ABCG4: variants seen among roughly 807,000 people sequenced by gnomAD.
ABCG4 encodes ATP binding cassette subfamily G member 4.
Under a neutral mutation model 64.6 loss-of-function variants are expected in ABCG4, and 35 were observed. That is an observed-to-expected ratio of 0.54 (90% confidence interval 0.41 to 0.72). The LOEUF (loss-of-function observed/expected upper bound fraction) is 0.72, where lower values mean the gene tolerates loss of function less well. ABCG4 is among the 30% of genes least tolerant of loss of function. The pLI, the probability that ABCG4 is intolerant of heterozygous loss-of-function variation, is 0.00. For synonymous variants in ABCG4, 326 were observed against 348.2 expected, an observed-to-expected ratio of 0.94 and a Z score of 0.71; for missense variants, 610 against 846.3, an observed-to-expected ratio of 0.72 and a Z score of 3.46.
At chr11:119,159,593 A>T (rs552778132) in intron 12 of ABCG4, among the ~76,000 whole-genome samples, 2 of 152,338 alleles carry the variant, frequency 1.3e-5, no homozygotes, top group Admixed American at 1.3e-4. Context: ...TACTTAGAAT[A>T]GTGCTTGGCA....
chr11:119,156,860 CTG>C lies in ABCG4; in HGVS notation c.926-8_926-7del, dbSNP rs778912034. The C allele has an allele frequency of 1.9e-6, 3 of 1,604,152 alleles. No homozygotes were observed. The highest frequency in any genetic ancestry group is 1.7e-5 in the Admixed American group (1 of 58,952). On this transcript the variant is annotated splice_polypyrimidine_tract_variant and intron_variant, in intron 8 of 14. Coordinates refer to ENST00000619701, the MANE Select transcript of ABCG4 (RefSeq NM_022169.5). This position sits in a 1 kb window ranked among gnomAD's most constrained non-coding sequence, Gnocchi z 5.5. ...GTGAATCTAAACTGAGCTCTCCACT[CTG>C]TGTCCCCAGTCATCGAGGTGGCCTC...
intron 9 of ABCG4, among the ~76,000 whole-genome samples, chr11:119,157,690 A>G (rs1948283646): frequency 6.6e-6 from 1 of 152,158 alleles, no homozygotes. Context: ...ACACGGTGAA[A>G]CCCCATCTCT....
intron 12 of ABCG4, among the ~76,000 whole-genome samples, 162 bp downstream of exon 12, chr11:119,159,091 C>T (rs1316351254): frequency 2.0e-5 from 3 of 152,244 alleles, no homozygotes; most frequent in Non-Finnish European, 4.4e-5. Flanking sequence ...GGCTCTGTAC[C>T]AGGCCCTAGG....
In ABCG4 at chr11:119,160,774, C is replaced by A. The variant is rs1948338348; in HGVS notation, c.1716-107C>A. On this transcript the variant is annotated intron_variant, in intron 14 of 14. Transcript: ENST00000619701. The surrounding 1 kb of genome is among the most constrained non-coding windows in gnomAD (Gnocchi z 4.6). ...CCCATTATCCTTTGGGCAGGGGCAC[C>A]CTGGCTGCACCCCAGGGATGACAGC... 1 of 1,496,090 alleles carries A rather than the reference C, an allele frequency of 6.7e-7. No homozygotes were observed. The highest frequency in any genetic ancestry group is 9.2e-7 in the Non-Finnish European group (1 of 1,082,480). The allele number at this position is 1,496,090 out of a possible 1,614,324, so 92.7% of individuals were successfully genotyped here.
Position 119,156,758 on chromosome 11 carries a change from C to G in ABCG4, c.925+80C>G. On this transcript the variant is annotated intron_variant, in intron 8 of 14. Coordinates refer to ENST00000619701, the MANE Select transcript of ABCG4 (RefSeq NM_022169.5). This position sits in a 1 kb window ranked among gnomAD's most constrained non-coding sequence, Gnocchi z 5.5. Reference sequence around the variant, plus strand: ...GTCTCTGGTCTTGCACTCAGGCCTCCTAGGGGTAGAGATCTCACCGTCGCC... The same window carrying G: ...GTCTCTGGTCTTGCACTCAGGCCTCGTAGGGGTAGAGATCTCACCGTCGCC... The G allele has an allele frequency of 5.6e-6, 9 of 1,593,170 alleles. No homozygotes were observed. The highest frequency in any genetic ancestry group is 7.7e-6 in the Non-Finnish European group (9 of 1,162,266).
intron 2 of ABCG4, among the ~76,000 whole-genome samples, chr11:119,152,432 A>G (rs777767764): frequency 3.6e-4 from 55 of 152,286 alleles, no homozygotes; most frequent in Non-Finnish European, 6.0e-4. Context: ...GGTGTCGTGG[A>G]GGGAGGGTTA....
chr11:119,156,986 T>TC lies in ABCG4; in HGVS notation c.1043dup (p.Ala349CysfsTer14). ...AAGAGCAGCCCTGAGAAGAACGAGG[T>TC]CCCTGCCCCATGCCCTCCTTGTCCT... On this transcript the variant is annotated frameshift_variant, in exon 9 of 15. Transcript: ENST00000619701. LOFTEE classifies it high-confidence loss of function. The surrounding 1 kb of genome is among the most constrained non-coding windows in gnomAD (Gnocchi z 5.5). 6.2e-7 allele frequency: 1 copy of TC among 1,612,400 alleles called. No homozygotes were observed. The highest frequency in any genetic ancestry group is 1.7e-4 in the Middle Eastern group (1 of 6,052).
Position 119,156,270 on chromosome 11 carries a change from C to T in ABCG4, c.687-59C>T, listed in dbSNP as rs1480540981. 1 of 1,611,258 alleles carries T rather than the reference C, an allele frequency of 6.2e-7. No homozygotes were observed. The highest frequency in any genetic ancestry group is 8.5e-7 in the Non-Finnish European group (1 of 1,178,004). On this transcript the variant is annotated intron_variant, in intron 6 of 14. Coordinates refer to ENST00000619701, the MANE Select transcript of ABCG4 (RefSeq NM_022169.5). This position sits in a 1 kb window ranked among gnomAD's most constrained non-coding sequence, Gnocchi z 5.5. ...CACAGCAGCTGCCCCGCCCCAGACA[C>T]TCCCTTCTTTTGGCCTCACCCACCT...
chr11:119,156,091 A>C lies in ABCG4; in HGVS notation c.687-238A>C. 1.9e-6 allele frequency: 1 copy of C among 538,266 alleles called. No individual in the cohort carries two copies. The highest frequency in any genetic ancestry group is 3.3e-6 in the Non-Finnish European group (1 of 298,954). The allele number at this position is 538,266 out of a possible 1,614,324, so 33.3% of individuals were successfully genotyped here. ...AGAGTCTATGTCTTATTTATGCATC[A>C]TTGTAATCCCAGTGCCTGGCATACA... On this transcript the variant is annotated intron_variant, in intron 6 of 14. Coordinates refer to ENST00000619701, the MANE Select transcript of ABCG4 (RefSeq NM_022169.5). This position sits in a 1 kb window ranked among gnomAD's most constrained non-coding sequence, Gnocchi z 5.5.
rs1565813739 is a variant in ABCG4 at position 119,154,186 on chromosome 11, G to GAAGTATCCC, written c.356+44_356+52dup. On this transcript the variant is annotated intron_variant, in intron 3 of 14. Coordinates refer to ENST00000619701, the MANE Select transcript of ABCG4 (RefSeq NM_022169.5). The surrounding 1 kb of genome is among the most constrained non-coding windows in gnomAD (Gnocchi z 7.0). ...GTGGAATGGAGGCAGGACTCAGGAA[G>GAAGTATCCC]AAGTATCCCTTGGGGAACACAGAAG... 1.2e-6 allele frequency: 2 copies of GAAGTATCCC among 1,613,518 alleles called. No homozygotes were observed. Among genetic ancestry groups the GAAGTATCCC allele is most frequent in the East Asian group, 2.2e-5 (1 of 44,862 alleles).
chr11:119,158,175 G>A lies in ABCG4; in HGVS notation c.1069-59G>A, dbSNP rs1316271426. The stretch of plus-strand genomic sequence containing the variant: ...TGAGGTTTTTCATTCACTGAGCTGG[G>A]TGTTCTGTGGGTGAATGGGGTAGGC... On this transcript the variant is annotated intron_variant, in intron 9 of 14. Coordinates refer to ENST00000619701, the MANE Select transcript of ABCG4 (RefSeq NM_022169.5). This position sits in a 1 kb window ranked among gnomAD's most constrained non-coding sequence, Gnocchi z 4.5. 21 of 1,377,658 alleles carry A rather than the reference G, an allele frequency of 1.5e-5. No individual in the cohort carries two copies. The highest frequency in any genetic ancestry group is 2.0e-5 in the Non-Finnish European group (20 of 1,002,882). 85.3% of individuals were successfully genotyped at this position (1,377,658 alleles called of 1,614,324 possible).
At position 119,150,731 on chromosome 11, in the gene ABCG4, A is replaced by G. The variant is rs1948185087; in HGVS notation, c.238+528A>G. Among the ~76,000 whole-genome samples, 1 of 152,332 alleles carries G rather than the reference A, an allele frequency of 6.6e-6. No homozygotes were observed. Among genetic ancestry groups the G allele is most frequent in the East Asian group, 1.9e-4 (1 of 5,194 alleles). ...AGGCCCAGGGAAGTTGAGTAACTTG[A>G]CCAATGTCACACAGCTAGTAAGTGG... On this transcript the variant is annotated intron_variant, in intron 2 of 14. Coordinates refer to ENST00000619701, the MANE Select transcript of ABCG4 (RefSeq NM_022169.5). This position sits in a 1 kb window ranked among gnomAD's most constrained non-coding sequence, Gnocchi z 4.3.
At position 119,156,066 on chromosome 11, in the gene ABCG4, A is replaced by G. The variant is rs556402569; in HGVS notation, c.687-263A>G. 2.2e-6 allele frequency: 1 copy of G among 462,406 alleles called. No homozygotes were observed. The highest frequency in any genetic ancestry group is 2.0e-5 in the African/African-American group (1 of 51,014). The allele number at this position is 462,406 out of a possible 1,614,324, so 28.6% of individuals were successfully genotyped here. On this transcript the variant is annotated intron_variant, in intron 6 of 14. Transcript: ENST00000619701. The surrounding 1 kb of genome is among the most constrained non-coding windows in gnomAD (Gnocchi z 5.5). Reference sequence around the variant, plus strand: ...GCTTGTCTCTCTCTCCTTCCAGACCAGAGTCTATGTCTTATTTATGCATCA... The same window carrying G: ...GCTTGTCTCTCTCTCCTTCCAGACCGGAGTCTATGTCTTATTTATGCATCA...
rs1948361122 is a variant in ABCG4, at chr11:119,161,978, T to C, written c.*872T>C. ...CTCTCCGGAGTGACAGGCACATACATGAGAACAGGCCATCTCAGCCCTACA... is the reference window on the plus strand; with the variant it reads ...CTCTCCGGAGTGACAGGCACATACACGAGAACAGGCCATCTCAGCCCTACA... On this transcript the variant is annotated 3_prime_UTR_variant, in exon 15 of 15. Transcript: ENST00000619701. 1 of 152,952 alleles carries C rather than the reference T, an allele frequency of 6.5e-6. No homozygotes were observed. The allele number at this position is 152,952 out of a possible 1,614,324, so 9.5% of individuals were successfully genotyped here. A position where few individuals can be genotyped will look rare whatever the true frequency, so the allele number is the denominator to read the frequency against.
At chr11:119,159,945 A>G (rs1948321792) in intron 12 of ABCG4, among the ~76,000 whole-genome samples, 2 of 151,962 alleles carry the variant, frequency 1.3e-5, no homozygotes, top group South Asian at 4.2e-4. Context: ...AAGCTGGTCC[A>G]GGTGGGAAGG....
At position 119,154,946 on chromosome 11, in the gene ABCG4, A is replaced by G. The variant is rs763630867; in HGVS notation, c.686+31A>G. On this transcript the variant is annotated intron_variant, in intron 6 of 14. Coordinates refer to ENST00000619701, the MANE Select transcript of ABCG4 (RefSeq NM_022169.5). The surrounding 1 kb of genome is among the most constrained non-coding windows in gnomAD (Gnocchi z 7.0). ...TCTCTCCACCCTTTCCCACCAGGAT[A>G]CCCCTCTCCTCTCGGCCCTGAGCCA... The G allele has an allele frequency of 6.3e-7, 1 of 1,585,394 alleles. No homozygotes were observed. Among genetic ancestry groups the G allele is most frequent in the East Asian group, 2.3e-5 (1 of 44,268 alleles).
intron 9 of ABCG4, 117 bp downstream of exon 9, chr11:119,157,131 G>A: frequency 7.2e-7 from 1 of 1,394,922 alleles, no homozygotes; most frequent in Non-Finnish European, 9.6e-7. Context: ...TGGGTGCTAG[G>A]AAGAACCTAG....
Position 119,161,320 on chromosome 11 carries a change from TC to T in ABCG4, c.*217del, listed in dbSNP as rs1375457441. 4 of 552,604 alleles carry T rather than the reference TC, an allele frequency of 7.2e-6. No individual in the cohort carries two copies. Among genetic ancestry groups the T allele is most frequent in the Admixed American group, 6.5e-5 (2 of 30,576 alleles). 34.2% of individuals were successfully genotyped at this position (552,604 alleles called of 1,614,324 possible). A position where few individuals can be genotyped will look rare whatever the true frequency, so the allele number is the denominator to read the frequency against. On this transcript the variant is annotated 3_prime_UTR_variant, in exon 15 of 15. Coordinates refer to ENST00000619701, the MANE Select transcript of ABCG4 (RefSeq NM_022169.5). ...CCCTCCCCACTATGCCCAGGAGTCT[TC>T]CCAAGTTGATGCGGTTTGTAGCTTC...
rs1419874659 is a variant in ABCG4, at chr11:119,154,368, C to A, written c.465C>A (p.His155Gln). Residue 155 changes from histidine (H) to glutamine (Q), a missense_variant, in exon 4 of 15, where the codon CAC becomes CAA. Coordinates refer to ENST00000619701, the MANE Select transcript of ABCG4 (RefSeq NM_022169.5). The surrounding 1 kb of genome is among the most constrained non-coding windows in gnomAD (Gnocchi z 7.0). ...YIMQDDMLLP[H>Q]LTVLEAMMVS... Reference sequence around the variant, plus strand: ...TGCAAGATGACATGCTGCTGCCGCACCTCACGGTGTTGGAAGCCATGATGG... The same window carrying A: ...TGCAAGATGACATGCTGCTGCCGCAACTCACGGTGTTGGAAGCCATGATGG... 1.2e-6 allele frequency: 2 copies of A among 1,614,090 alleles called. No homozygotes were observed. Among genetic ancestry groups the A allele is most frequent in the African/African-American group, 2.7e-5 (2 of 74,942 alleles).
Sources: gnomAD v4.1 joint callset for allele counts (sites outside exome capture counted in the v4.1 genomes callset) on GRCh38, gnomAD v4.1.1 for gene constraint, Gnocchi (gnomAD v3.1) non-coding constraint, MANE v1.5 for transcripts, NCBI Gene and HGNC (gene_info 2026-07-23, HGNC 2026-07-21) for gene names.